Variants in RAB2A observed in about 807,000 individuals in gnomAD.
RAB2A encodes the protein RAB2A, member RAS oncogene family, also known as ras-related protein Rab-2A.
RAB2A carries 7 observed loss-of-function variants against 32.5 expected under a neutral mutation model. The observed-to-expected ratio is 0.22, with a 90% confidence interval of 0.12 to 0.40. RAB2A has a LOEUF of 0.40. RAB2A is among the 10% of genes least tolerant of loss of function. The pLI, the probability that RAB2A is intolerant of heterozygous loss-of-function variation, is 1.00. For missense variants in RAB2A, 108 were observed against 260.7 expected (o/e 0.41, Z 4.03); for synonymous variants, 79 against 85.2 (o/e 0.93, Z 0.40).
chr8:60,620,702 A>G lies in RAB2A; in HGVS notation c.572A>G (p.His191Arg), dbSNP rs1352391334. Reference sequence around the variant, plus strand: ...AATGGCATTAAAATTGGCCCTCAGCATGCTGCTACCAATGCAACACATGCA... The same window carrying G: ...AATGGCATTAAAATTGGCCCTCAGCGTGCTGCTACCAATGCAACACATGCA... ...EANGIKIGPQ[H>R]AATNATHAGN... The change falls in exon 8 of 8, where the codon CAT becomes CGT. Residue 191 changes from histidine (H) to arginine (R), a missense_variant. Physicochemically the swap from His to Arg is conservative, Grantham distance 29. Transcript: ENST00000262646. The G allele has an allele frequency of 1.9e-6, 3 of 1,613,780 alleles. No homozygotes were observed. Among genetic ancestry groups the G allele is most frequent in the African/African-American group, 2.7e-5 (2 of 74,930 alleles).
At chr8:60,618,743 AT>A (rs1261957329) in intron 7 of RAB2A, 95 bp downstream of exon 7, 7 of 423,088 alleles carry the variant, frequency 1.7e-5, no homozygotes, top group South Asian at 1.0e-4. Context: ...TTATTTTATA[AT>A]TTTTTTAATT....
chr8:60,585,472 C>T (rs1377369228), intron 5 of RAB2A, among the ~76,000 whole-genome samples: 1 of 151,994 alleles, frequency 6.6e-6, no homozygotes, highest in Non-Finnish European at 1.5e-5. Context: ...ACAACCACAG[C>T]TAGTTTATCT....
chr8:60,557,492 G>A (rs1807956936), intron 1 of RAB2A, among the ~76,000 whole-genome samples: 1 of 151,930 alleles, frequency 6.6e-6, no homozygotes. Context: ...CTCCAGCCTG[G>A]GTGACAGAGC....
chr8:60,549,419 C>T (rs1395539341), intron 1 of RAB2A, among the ~76,000 whole-genome samples: 4 of 152,152 alleles, frequency 2.6e-5, no homozygotes, highest in East Asian at 1.9e-4. Context: ...TGGCGGATCA[C>T]TCGCGGTTAG....
chr8:60,567,414 G>A (rs1808131936), intron 2 of RAB2A, among the ~76,000 whole-genome samples: 1 of 152,060 alleles, frequency 6.6e-6, no homozygotes, highest in Non-Finnish European at 1.5e-5. Flanking sequence ...TCATACTGTG[G>A]TAGTTATTGC....
intron 2 of RAB2A, among the ~76,000 whole-genome samples, chr8:60,566,446 T>C (rs1299942926): frequency 6.6e-6 from 1 of 152,212 alleles, no homozygotes; most frequent in Non-Finnish European, 1.5e-5. Flanking sequence ...CTTTGAATTA[T>C]TAAGGGATAA....
At chr8:60,609,574 T>C (rs1275224138) in intron 6 of RAB2A, among the ~76,000 whole-genome samples, 1 of 152,232 alleles carries the variant, frequency 6.6e-6, no homozygotes, top group African/African-American at 2.4e-5. Flanking sequence ...CTTCAGTCTT[T>C]CATTCTGGTT....
chr8:60,562,986 C>T (rs1174892487), intron 2 of RAB2A, among the ~76,000 whole-genome samples: 1 of 150,642 alleles, frequency 6.6e-6, no homozygotes, highest in Admixed American at 6.7e-5. Context: ...ATTTTTGACA[C>T]CCATCACAGC....
chr8:60,587,140 A>C (rs969457455), intron 5 of RAB2A, among the ~76,000 whole-genome samples: 2 of 152,156 alleles, frequency 1.3e-5, no homozygotes, highest in African/African-American at 2.4e-5. Flanking sequence ...TACTATAGTC[A>C]ATTTACTATT....
In RAB2A at chr8:60,517,191, A is replaced by G; in HGVS notation, c.-17A>G. On this transcript the variant is annotated 5_prime_UTR_variant, in exon 1 of 8. Transcript: ENST00000262646. ...GGGAGGAGGAGCCGTGTGCCCTGGC[A>G]CTGAGCGGCCGCGGCCATGGCGTAC... is the stretch of plus-strand genomic sequence containing the variant. 6.7e-7 allele frequency: 1 copy of G among 1,487,778 alleles called. No homozygotes were observed. Among genetic ancestry groups the G allele is most frequent in the Non-Finnish European group, 8.9e-7 (1 of 1,117,446 alleles). 92.2% of individuals were successfully genotyped at this position (1,487,778 alleles called of 1,614,324 possible).
chr8:60,614,477 C>T (rs1472536085), intron 6 of RAB2A, among the ~76,000 whole-genome samples: 1 of 152,010 alleles, frequency 6.6e-6, no homozygotes, highest in Non-Finnish European at 1.5e-5. Flanking sequence ...GTCTCAAACT[C>T]CTGACCTCAA....
At chr8:60,537,122 A>G (rs571079164) in intron 1 of RAB2A, among the ~76,000 whole-genome samples, 253 of 152,362 alleles carry the variant, frequency 1.7e-3, no homozygotes, top group Non-Finnish European at 2.8e-3. Flanking sequence ...AGTATAAGGT[A>G]TATTTTACAT....
In RAB2A at chr8:60,621,798, C is replaced by G. The variant is rs1804532637; in HGVS notation, c.*1029C>G. On this transcript the variant is annotated 3_prime_UTR_variant, in exon 8 of 8. Transcript: ENST00000262646. ...AAAATTTTTCTTTCAGTGGCAACCTCTATAATCTTTAAAATATGGTGAGCA... is the reference window on the plus strand; with the variant it reads ...AAAATTTTTCTTTCAGTGGCAACCTGTATAATCTTTAAAATATGGTGAGCA... 6.6e-6 allele frequency: 1 copy of G among 152,098 alleles called. No individual in the cohort carries two copies. Among genetic ancestry groups the G allele is most frequent in the South Asian group, 2.1e-4 (1 of 4,826 alleles). The allele number at this position is 152,098 out of a possible 1,614,324, so 9.4% of individuals were successfully genotyped here. A position where few individuals can be genotyped will look rare whatever the true frequency, so the allele number is the denominator to read the frequency against.
At chr8:60,593,555 AG>A (rs1425611525) in intron 6 of RAB2A, among the ~76,000 whole-genome samples, 7 of 138,422 alleles carry the variant, frequency 5.1e-5, no homozygotes, top group African/African-American at 1.6e-4. Context: ...ATCCCCAGGC[AG>A]TAATGAAGTA....
intron 1 of RAB2A, among the ~76,000 whole-genome samples, chr8:60,527,467 G>A (rs11778708): frequency 0.24 from 36,023 of 152,066 alleles, 4,326 homozygotes; most frequent in Middle Eastern, 0.39. Context: ...GGGGAAGCAG[G>A]CACCTTCTTC....
intron 5 of RAB2A, among the ~76,000 whole-genome samples, chr8:60,590,397 G>A (rs984314856): frequency 6.6e-6 from 1 of 151,010 alleles, no homozygotes; most frequent in Non-Finnish European, 1.5e-5. Flanking sequence ...TAGCAATTGG[G>A]AAGGCCAAAG....
intron 5 of RAB2A, among the ~76,000 whole-genome samples, chr8:60,585,928 A>G: frequency 6.6e-6 from 1 of 152,252 alleles, no homozygotes; most frequent in Non-Finnish European, 1.5e-5. Flanking sequence ...GTTTATTCCC[A>G]CAAGTTAACT....
At chr8:60,612,924 T>TA (rs1429743744) in intron 6 of RAB2A, among the ~76,000 whole-genome samples, 5 of 152,134 alleles carry the variant, frequency 3.3e-5, no homozygotes, top group Non-Finnish European at 7.4e-5. Context: ...TGCCTTGAAA[T>TA]ACAGTTTAAA....
At chr8:60,521,150 G>A (rs867391829) in intron 1 of RAB2A, among the ~76,000 whole-genome samples, 11 of 152,180 alleles carry the variant, frequency 7.2e-5, no homozygotes, top group African/African-American at 2.2e-4. Context: ...TAGTTAGGAA[G>A]GTCTTTGCCT....
Sources: gnomAD v4.1 joint callset for allele counts (sites outside exome capture counted in the v4.1 genomes callset) on GRCh38, gnomAD v4.1.1 for gene constraint, MANE v1.5 for transcripts, NCBI Gene and HGNC (gene_info 2026-07-23, HGNC 2026-07-21) for gene names.